DNAH14: variants seen among roughly 807,000 people sequenced by gnomAD.
DNAH14 encodes the protein dynein axonemal heavy chain 14.
In DNAH14, 478 loss-of-function variants were observed where a neutral mutation model predicts 520.9. The observed-to-expected ratio is 0.92, with a 90% CI of 0.85 to 0.99. DNAH14 has a LOEUF of 0.99. DNAH14 is among the 50% of genes least tolerant of loss of function. The pLI, the probability that DNAH14 is intolerant of heterozygous loss-of-function variation, is 0.00. For synonymous variants in DNAH14, 1,581 were observed against 1,757.2 expected (o/e 0.90, Z 2.51); for missense variants, 4,831 against 5,234.5 (o/e 0.92, Z 2.38).
At chr1:225,041,493 A>G (rs1378097725) in intron 12 of DNAH14, among the ~76,000 whole-genome samples, 1 of 152,224 alleles carries the variant, frequency 6.6e-6, no homozygotes, top group Non-Finnish European at 1.5e-5. Flanking sequence ...AAATATTTTC[A>G]GGCCCCAGTT....
chr1:225,019,329 G>T (rs1331957779), intron 10 of DNAH14, among the ~76,000 whole-genome samples: 2 of 152,050 alleles, frequency 1.3e-5, no homozygotes, highest in African/African-American at 4.8e-5. Context: ...GGACAAAGAA[G>T]GCCATTACAT....
rs2092300987 is a variant in DNAH14, at chr1:225,246,682, C to T, written c.6749-5619C>T. On this transcript the variant is annotated intron_variant, in intron 43 of 85. Transcript: ENST00000682510. Reference sequence around the variant, plus strand: ...TACAAATCAAAACCACAATGAGATGCCATCTCACTCCAATTAGAATGGCAA... The same window carrying T: ...TACAAATCAAAACCACAATGAGATGTCATCTCACTCCAATTAGAATGGCAA... 2.0e-5 allele frequency among the ~76,000 whole-genome samples: 3 copies of T among 152,254 alleles called. No homozygotes were observed. The South Asian group carries it at 6.2e-4, about 32-fold the overall frequency.
In DNAH14 at chr1:225,340,610, A is replaced by C; in HGVS notation, c.10587A>C (p.Gln3529His). ...VTHEVPHLED[Q>H]RSKLLESISL... ...ATGAAGTTCCTCATTTAGAAGATCAACGTTCCAAGTTACTGGAGAGTATTT... is the reference window on the plus strand; with the variant it reads ...ATGAAGTTCCTCATTTAGAAGATCACCGTTCCAAGTTACTGGAGAGTATTT... The change falls in exon 69 of 86, where the codon CAA (glutamine) becomes CAC (histidine). Residue 3529 changes from glutamine (Q) to histidine (H), a missense_variant. Transcript: ENST00000682510. The C allele has an allele frequency of 6.4e-7, 1 of 1,551,470 alleles. No individual in the cohort carries two copies. Among genetic ancestry groups the C allele is most frequent in the Non-Finnish European group, 8.7e-7 (1 of 1,146,874 alleles).
chr1:225,013,528 G>A (rs2064973234), intron 10 of DNAH14, among the ~76,000 whole-genome samples: 1 of 152,200 alleles, frequency 6.6e-6, no homozygotes, highest in Non-Finnish European at 1.5e-5. Flanking sequence ...AGGCAGGAAT[G>A]TTTAAGTCTG....
chr1:225,039,877 CAAAA>C (rs1194328076), intron 12 of DNAH14, among the ~76,000 whole-genome samples: 35 of 48,990 alleles, frequency 7.1e-4, no homozygotes, highest in Non-Finnish European at 8.0e-4. Flanking sequence ...GACTCCGTCT[CAAAA>C]AAAAAAAAAA....
chr1:225,270,730 C>T lies in DNAH14; in HGVS notation c.7540-5C>T. On this transcript the variant is annotated splice_polypyrimidine_tract_variant and splice_region_variant and intron_variant, in intron 49 of 85. Transcript: ENST00000682510. ...AGTTACTCTTCCTTTTTATCCTTAT[C>T]ACAGAATATTCAAGATCTGTCTATA... The T allele has an allele frequency of 6.5e-7, 1 of 1,550,192 alleles. No individual in the cohort carries two copies. The highest frequency in any genetic ancestry group is 2.4e-5 in the East Asian group (1 of 40,844).
At chr1:225,351,598 A>T in intron 71 of DNAH14, 49 bp from the exon 72 acceptor site, 1 of 1,351,434 alleles carries the variant, frequency 7.4e-7, no homozygotes, top group South Asian at 1.6e-5. Context: ...AATAACTAAA[A>T]GGTAAAGGTT....
At chr1:225,121,647 C>T (rs1444233671) in intron 26 of DNAH14, among the ~76,000 whole-genome samples, 1 of 152,022 alleles carries the variant, frequency 6.6e-6, no homozygotes, top group Non-Finnish European at 1.5e-5. Context: ...TTGAGACCAG[C>T]CTGGCCAACA....
Position 225,052,379 on chromosome 1 carries a change from A to G in DNAH14, c.2424+584A>G, listed in dbSNP as rs146833902. Among the ~76,000 whole-genome samples the G allele has an allele frequency of 3.9e-5, 6 of 152,318 alleles. No individual in the cohort carries two copies. The Middle Eastern group carries it at 0.017, about 432-fold the overall frequency. On this transcript the variant is annotated intron_variant, in intron 17 of 85. Transcript: ENST00000682510. ...GTTATTTCTACCTATCATCTATATA[A>G]GTTTCTAGGACAGCTTAGATCCTAA...
Position 225,398,616 on chromosome 1 carries a change from C to A in DNAH14, c.13588C>A (p.Pro4530Thr). 1 of 1,551,728 alleles carries A rather than the reference C, an allele frequency of 6.4e-7. No individual in the cohort carries two copies. The highest frequency in any genetic ancestry group is 1.2e-5 in the South Asian group (1 of 84,068). ...REQKILEDSL[P>T]LEMCCDFPDI... Reference sequence around the variant, plus strand: ...ACAGAAAATACTGGAAGACTCGCTGCCTCTGGAGATGTGCTGTGATTTTCC... The same window carrying A: ...ACAGAAAATACTGGAAGACTCGCTGACTCTGGAGATGTGCTGTGATTTTCC... The change falls in exon 85 of 86, where the codon CCT becomes ACT. Residue 4530 changes from proline to threonine, a missense_variant. Physicochemically the swap from Pro to Thr is conservative, Grantham distance 38. Coordinates refer to ENST00000682510, the MANE Select transcript of DNAH14 (RefSeq NM_001367479.1).
chr1:224,936,781 G>A (rs770203717), intron 1 of DNAH14, among the ~76,000 whole-genome samples: 3 of 151,788 alleles, frequency 2.0e-5, no homozygotes, highest in Non-Finnish European at 3.0e-5. Context: ...AAAACTATAC[G>A]CAAGTATCAC....
chr1:225,317,142 C>T (rs559338396), intron 60 of DNAH14, among the ~76,000 whole-genome samples: 1 of 152,208 alleles, frequency 6.6e-6, no homozygotes, highest in East Asian at 1.9e-4. Flanking sequence ...CTCATTATAA[C>T]AGTGTTTTCT....
chr1:224,992,362 A>G (rs981719819), intron 8 of DNAH14, among the ~76,000 whole-genome samples: 6 of 152,126 alleles, frequency 3.9e-5, no homozygotes, highest in African/African-American at 1.4e-4. Context: ...AGGATATTTT[A>G]TCATGTATTT....
chr1:225,168,375 A>G (rs1239658380), intron 36 of DNAH14, among the ~76,000 whole-genome samples: 3 of 152,358 alleles, frequency 2.0e-5, no homozygotes, highest in East Asian at 3.9e-4. Flanking sequence ...AGGAAGCACA[A>G]GGGGTCAGGG....
intron 23 of DNAH14, among the ~76,000 whole-genome samples, chr1:225,101,206 T>G (rs563676303): frequency 2.0e-5 from 3 of 151,960 alleles, no homozygotes; most frequent in African/African-American, 7.2e-5. Context: ...AATACTTTTT[T>G]AAAATATTGT....
In DNAH14 at chr1:225,080,619, TG is replaced by T; in HGVS notation, c.3010del (p.Glu1004LysfsTer23). 1.9e-6 allele frequency: 3 copies of T among 1,552,098 alleles called. No homozygotes were observed. Among genetic ancestry groups the T allele is most frequent in the Non-Finnish European group, 2.6e-6 (3 of 1,147,082 alleles). On this transcript the variant is annotated frameshift_variant, in exon 19 of 86. Coordinates refer to ENST00000682510, the MANE Select transcript of DNAH14 (RefSeq NM_001367479.1). LOFTEE classifies it high-confidence loss of function. ...TGACTTGACTTTGAGGAAAAAACTA[TG>T]GGAAGCACAAGAGGAGTGGAAGCGA... The part of the protein sequence containing the change: ...EGDLTLRKKL[W>X]EAQEEWKRAS...
At chr1:225,358,689 G>A in intron 74 of DNAH14, 37 bp downstream of exon 74, 1 of 1,530,822 alleles carries the variant, frequency 6.5e-7, no homozygotes, top group Non-Finnish European at 8.8e-7. Context: ...GATCGATATG[G>A]TTTGGCTCTG....
chr1:225,225,585 GA>G (rs2090461035), intron 41 of DNAH14, among the ~76,000 whole-genome samples: 1 of 151,942 alleles, frequency 6.6e-6, no homozygotes. Context: ...AAAAGGAGGG[GA>G]ATATGAGTAA....
intron 43 of DNAH14, among the ~76,000 whole-genome samples, chr1:225,243,995 C>A (rs2092125711): frequency 6.6e-6 from 1 of 152,016 alleles, no homozygotes; most frequent in South Asian, 2.1e-4. Context: ...TCATAAATAG[C>A]TCTTATTATT....
Sources: allele counts gnomAD v4.1 joint callset (sites outside exome capture counted in the v4.1 genomes callset), GRCh38; gene constraint gnomAD v4.1.1; transcripts MANE v1.5; gene names NCBI Gene and HGNC (gene_info 2026-07-23, HGNC 2026-07-21).